The following STAC variants were observed in gnomAD, a reference collection of about 807,000 sequenced individuals.
The protein encoded by STAC is SH3 and cysteine-rich domain-containing protein.
A neutral mutation model predicts 48.8 loss-of-function variants in STAC; 43 were observed. That is an observed-to-expected ratio of 0.88 (90% confidence interval 0.69 to 1.14). STAC has a LOEUF of 1.14. Ranked by LOEUF, STAC falls within the 50% of genes most tolerant of loss-of-function variation. STAC has a pLI of 0.00. For missense variants in STAC, 497 were observed against 504.0 expected, an observed-to-expected ratio of 0.99 and a Z score of 0.13; for synonymous variants, 193 against 179.5, an observed-to-expected ratio of 1.07 and a Z score of -0.60.
chr3:36,489,072 C>T (rs1410920843), intron 5 of STAC, among the ~76,000 whole-genome samples: 1 of 152,180 alleles, frequency 6.6e-6, no homozygotes, highest in Admixed American at 6.5e-5. Flanking sequence ...GAAGAGTCCC[C>T]AGACTCCCCC....
At chr3:36,386,939 A>T (rs992985773) in intron 1 of STAC, among the ~76,000 whole-genome samples, 1 of 152,048 alleles carries the variant, frequency 6.6e-6, no homozygotes, top group Non-Finnish European at 1.5e-5. Context: ...TCTGAATGGA[A>T]CTGCATTGAA....
intron 8 of STAC, among the ~76,000 whole-genome samples, chr3:36,508,956 A>T (rs1397755022): frequency 6.6e-6 from 1 of 152,156 alleles, no homozygotes; most frequent in Non-Finnish European, 1.5e-5. Context: ...TGATCCTGTC[A>T]TTATGATGCT....
chr3:36,485,977 G>C, intron 4 of STAC, 157 bp from the exon 5 acceptor site: 1 of 616,734 alleles, frequency 1.6e-6, no homozygotes, highest in East Asian at 2.7e-5. Context: ...GTGCATCTGT[G>C]AGGAACACTT....
At chr3:36,543,420 A>G (rs1575275465) in intron 10 of STAC, among the ~76,000 whole-genome samples, 1 of 152,186 alleles carries the variant, frequency 6.6e-6, no homozygotes, top group African/African-American at 2.4e-5. Context: ...ATCCGTAAAA[A>G]GGTCTCCCAA....
intron 2 of STAC, among the ~76,000 whole-genome samples, chr3:36,450,054 CA>C (rs1251120874): frequency 3.9e-5 from 6 of 152,166 alleles, no homozygotes; most frequent in Admixed American, 2.0e-4. Flanking sequence ...TATCAAGACC[CA>C]ACTAAAATGC....
intron 1 of STAC, among the ~76,000 whole-genome samples, chr3:36,425,763 T>C (rs1269157217): frequency 6.6e-6 from 1 of 152,168 alleles, no homozygotes; most frequent in Non-Finnish European, 1.5e-5. Flanking sequence ...TGGTGGCTCA[T>C]CCCTGTAATC....
intron 2 of STAC, among the ~76,000 whole-genome samples, chr3:36,464,370 GT>G (rs1272720200): frequency 1.3e-5 from 2 of 152,176 alleles, no homozygotes; most frequent in African/African-American, 2.4e-5. Flanking sequence ...GGGGTTGTTT[GT>G]TTTTTTCTTG....
intron 2 of STAC, among the ~76,000 whole-genome samples, chr3:36,453,297 C>A (rs934351476): frequency 6.6e-6 from 1 of 152,242 alleles, no homozygotes; most frequent in African/African-American, 2.4e-5. Context: ...CCATTCTGGG[C>A]TGGCCAAGGC....
intron 1 of STAC, among the ~76,000 whole-genome samples, chr3:36,390,451 C>CTGTTTTTTTTTTTTTTTTTTTT (rs1699726949): frequency 2.5e-5 from 2 of 80,824 alleles, no homozygotes; most frequent in Non-Finnish European, 4.9e-5. Flanking sequence ...TTTTTCTTTT[C>CTGTTTTTTTTTTTTTTTTTTTT]TTTTTTTTTT....
At chr3:36,486,811 A>T (rs61166540) in intron 5 of STAC, among the ~76,000 whole-genome samples, 21,682 of 152,230 alleles carry the variant, frequency 0.14, 1,676 homozygotes, top group African/African-American at 0.17. Context: ...TGAGTGTTCC[A>T]TGCATCTCTG....
chr3:36,510,539 A>C (rs573375489), intron 8 of STAC, among the ~76,000 whole-genome samples: 19 of 152,340 alleles, frequency 1.2e-4, no homozygotes, highest in African/African-American at 4.6e-4. Context: ...TCACAATAGC[A>C]AAGACTTGGA....
chr3:36,403,716 A>C (rs1235852899), intron 1 of STAC, among the ~76,000 whole-genome samples: 1 of 152,196 alleles, frequency 6.6e-6, no homozygotes, highest in Non-Finnish European at 1.5e-5. Context: ...ATATTTCCAG[A>C]AATTAAGAAA....
chr3:36,392,157 T>C (rs532026405), intron 1 of STAC, among the ~76,000 whole-genome samples: 133 of 152,332 alleles, frequency 8.7e-4, no homozygotes, highest in African/African-American at 3.2e-3. Flanking sequence ...GCAAGGCCCC[T>C]TCCTCTCATA....
At chr3:36,512,730 G>A (rs1451995197) in intron 8 of STAC, among the ~76,000 whole-genome samples, 2 of 152,184 alleles carry the variant, frequency 1.3e-5, no homozygotes, top group African/African-American at 4.8e-5. Flanking sequence ...ATTCCCAGGA[G>A]TGAAATGTCT....
At chr3:36,399,465 G>T (rs1699956908) in intron 1 of STAC, among the ~76,000 whole-genome samples, 1 of 152,204 alleles carries the variant, frequency 6.6e-6, no homozygotes, top group South Asian at 2.1e-4. Flanking sequence ...GTTACCCCTA[G>T]CACGACACTG....
At chr3:36,506,594 CTT>C (rs1314143550) in intron 8 of STAC, among the ~76,000 whole-genome samples, 1 of 152,110 alleles carries the variant, frequency 6.6e-6, no homozygotes, top group Non-Finnish European at 1.5e-5. Flanking sequence ...TGTGTCCTCT[CTT>C]GTTTCCTTGA....
chr3:36,393,816 T>C (rs749375689), intron 1 of STAC, among the ~76,000 whole-genome samples: 1 of 151,492 alleles, frequency 6.6e-6, no homozygotes, highest in African/African-American at 2.4e-5. Flanking sequence ...TAAATGTTGA[T>C]TGCTTAAGCC....
intron 1 of STAC, among the ~76,000 whole-genome samples, chr3:36,386,086 C>T (rs114910634): frequency 0.016 from 2,433 of 152,150 alleles, 29 homozygotes; most frequent in African/African-American, 0.028. Context: ...TGTACCACTT[C>T]ATATTCCTGC....
At position 36,547,942 on chromosome 3, in the gene STAC, C is replaced by G. The variant is rs370583451; in HGVS notation, c.*1653C>G. 2.6e-5 allele frequency: 4 copies of G among 152,296 alleles called. No individual in the cohort carries two copies. The East Asian group carries it at 7.7e-4, about 29-fold the overall frequency. The allele number at this position is 152,296 out of a possible 1,614,324, so 9.4% of individuals were successfully genotyped here. A position where few individuals can be genotyped will look rare whatever the true frequency, so the allele number is the denominator to read the frequency against. Reference sequence around the variant, plus strand: ...AAATTGGATGCCTAGTACAAATGCTCTTTGCCTCTAATTCAGTATTCCATT... The same window carrying G: ...AAATTGGATGCCTAGTACAAATGCTGTTTGCCTCTAATTCAGTATTCCATT... On this transcript the variant is annotated 3_prime_UTR_variant, in exon 11 of 11. Coordinates refer to ENST00000273183, the MANE Select transcript of STAC (RefSeq NM_003149.3).
Sources: gnomAD v4.1 joint callset for allele counts (sites outside exome capture counted in the v4.1 genomes callset) on GRCh38, gnomAD v4.1.1 for gene constraint, MANE v1.5 for transcripts, NCBI Gene and HGNC (gene_info 2026-07-23, HGNC 2026-07-21) for gene names.